Variants in SNTG2 observed in about 807,000 individuals in gnomAD.
The protein encoded by SNTG2 is gamma-2-syntrophin.
A neutral mutation model predicts 70.9 loss-of-function variants in SNTG2; 74 were observed. The observed-to-expected ratio is 1.04, with a 90% confidence interval of 0.86 to 1.27. The LOEUF is 1.27. Among genes scored for constraint, SNTG2 ranks in the 50% most tolerant of loss-of-function variants. The probability of loss-of-function intolerance (pLI) is 0.00; values close to 1 mark genes in which losing one functional copy is unlikely to be tolerated. For missense variants in SNTG2, 717 were observed against 690.7 expected, an observed-to-expected ratio of 1.04 and a Z score of -0.43; for synonymous variants, 278 against 273.8, an observed-to-expected ratio of 1.02 and a Z score of -0.15.
chr2:1,190,225 T>C (rs1376373402), intron 8 of SNTG2, among the ~76,000 whole-genome samples: 3 of 152,026 alleles, frequency 2.0e-5, no homozygotes, highest in African/African-American at 7.2e-5. Context: ...AATCCATAGA[T>C]GCTTAAGACC....
intron 1 of SNTG2, among the ~76,000 whole-genome samples, chr2:1,060,418 C>G (rs973381589): frequency 1.3e-5 from 2 of 152,072 alleles, no homozygotes; most frequent in African/African-American, 4.8e-5. Flanking sequence ...ATAGAAGTGT[C>G]CTACCGTGGA....
At chr2:1,193,441 G>T (rs1170121434) in intron 8 of SNTG2, among the ~76,000 whole-genome samples, 1 of 152,136 alleles carries the variant, frequency 6.6e-6, no homozygotes, top group African/African-American at 2.4e-5. Flanking sequence ...TTGTTTGATT[G>T]TTCCCTTGTC....
intron 11 of SNTG2, among the ~76,000 whole-genome samples, chr2:1,240,382 A>G (rs1177667023): frequency 6.6e-6 from 1 of 152,356 alleles, no homozygotes; most frequent in South Asian, 2.1e-4. Context: ...GGAAAACTCT[A>G]TGGTAATCAA....
At chr2:1,280,189 A>T (rs180970821) in intron 14 of SNTG2, among the ~76,000 whole-genome samples, 1 of 152,330 alleles carries the variant, frequency 6.6e-6, no homozygotes, top group Admixed American at 6.5e-5. Context: ...CCTGAAAAAA[A>T]TCAAGAGAAC....
At chr2:1,028,619 G>A (rs1324114722) in intron 1 of SNTG2, among the ~76,000 whole-genome samples, 1 of 152,084 alleles carries the variant, frequency 6.6e-6, no homozygotes, top group Non-Finnish European at 1.5e-5. Context: ...CCCTTCATGT[G>A]GATCTATCTT....
intron 14 of SNTG2, among the ~76,000 whole-genome samples, chr2:1,302,584 G>GA (rs1017679127): frequency 5.0e-4 from 74 of 147,536 alleles, no homozygotes; most frequent in African/African-American, 1.6e-3. Flanking sequence ...AGTTAGGCAG[G>GA]AAAAAAAAGA....
At chr2:983,956 C>T (rs1221814651) in intron 1 of SNTG2, among the ~76,000 whole-genome samples, 1 of 152,144 alleles carries the variant, frequency 6.6e-6, no homozygotes, top group Non-Finnish European at 1.5e-5. Flanking sequence ...GTCTGTGTCC[C>T]TGTGTCCCTG....
At chr2:1,143,980 A>G (rs1014653834) in intron 6 of SNTG2, among the ~76,000 whole-genome samples, 3 of 152,016 alleles carry the variant, frequency 2.0e-5, no homozygotes, top group Non-Finnish European at 4.4e-5. Context: ...AATTCTCATG[A>G]AAACTCTGGA....
chr2:959,271 G>A (rs191874185), intron 1 of SNTG2, among the ~76,000 whole-genome samples: 3 of 152,242 alleles, frequency 2.0e-5, no homozygotes, highest in African/African-American at 4.8e-5. Flanking sequence ...CTTTGTAAGC[G>A]CTGGGATGTA....
intron 8 of SNTG2, among the ~76,000 whole-genome samples, chr2:1,175,514 T>A (rs1451349593): frequency 6.6e-6 from 1 of 152,198 alleles, no homozygotes; most frequent in Non-Finnish European, 1.5e-5. Flanking sequence ...CTGGGGAGAA[T>A]CAAACCTTTC....
At chr2:1,046,929 G>A (rs1212429153) in intron 1 of SNTG2, among the ~76,000 whole-genome samples, 2 of 152,122 alleles carry the variant, frequency 1.3e-5, no homozygotes, top group African/African-American at 2.4e-5. Context: ...GGAAATTTTT[G>A]TTGTTATTTT....
chr2:1,216,972 C>CCCCTTCA (rs983881355), intron 9 of SNTG2, among the ~76,000 whole-genome samples: 2 of 152,124 alleles, frequency 1.3e-5, no homozygotes, highest in African/African-American at 4.8e-5. Flanking sequence ...AAGCTTGCTT[C>CCCCTTCA]CCCTTCACCC....
intron 2 of SNTG2, among the ~76,000 whole-genome samples, chr2:1,093,433 T>C (rs1316722206): frequency 1.3e-5 from 2 of 152,216 alleles, no homozygotes; most frequent in Non-Finnish European, 2.9e-5. Flanking sequence ...CAGGCTGCTG[T>C]GTGAAAAGTT....
At chr2:1,215,559 CT>C (rs201938266) in intron 9 of SNTG2, among the ~76,000 whole-genome samples, 1 of 132,568 alleles carries the variant, frequency 7.5e-6, no homozygotes, top group East Asian at 2.4e-4. Flanking sequence ...TCTTTTTTTT[CT>C]TTTTTTTATT....
chr2:1,140,464 A>G (rs920192845), intron 6 of SNTG2, among the ~76,000 whole-genome samples: 1 of 151,956 alleles, frequency 6.6e-6, no homozygotes, highest in Non-Finnish European at 1.5e-5. Flanking sequence ...CTGCGCAGAC[A>G]CAGATTGGGA....
intron 9 of SNTG2, among the ~76,000 whole-genome samples, chr2:1,217,730 T>C (rs1674493397): frequency 1.3e-5 from 2 of 152,202 alleles, no homozygotes; most frequent in African/African-American, 4.8e-5. Context: ...ATGTCTGTTA[T>C]GCAGACATTT....
chr2:1,151,830 T>C (rs1162114348), intron 6 of SNTG2, among the ~76,000 whole-genome samples: 1 of 152,154 alleles, frequency 6.6e-6, no homozygotes, highest in Non-Finnish European at 1.5e-5. Context: ...TCATAGCGAC[T>C]GGAGAAAATG....
rs537642481 is a variant in SNTG2 at position 1,230,845 on chromosome 2, G to T, written c.720-7043G>T. On this transcript the variant is annotated intron_variant, in intron 9 of 16. Coordinates refer to ENST00000308624, the MANE Select transcript of SNTG2 (RefSeq NM_018968.4). ...ACAGTGCCTCTTCCATAGGGTCACTGCAGGGGTGAAATAGATCTGAAACAT... is the reference window on the plus strand; with the variant it reads ...ACAGTGCCTCTTCCATAGGGTCACTTCAGGGGTGAAATAGATCTGAAACAT... Among the ~76,000 whole-genome samples, 21 of 152,216 alleles carry T rather than the reference G, an allele frequency of 1.4e-4. 1 individual carries two copies. The highest frequency in any genetic ancestry group is 2.8e-4 in the Non-Finnish European group (19 of 68,038).
At chr2:1,283,040 G>A (rs2148210197) in intron 14 of SNTG2, among the ~76,000 whole-genome samples, 1 of 152,270 alleles carries the variant, frequency 6.6e-6, no homozygotes, top group South Asian at 2.1e-4. Flanking sequence ...CCAGCCTCTG[G>A]ATTTTCAGTC....
Sources: gnomAD v4.1 joint callset for allele counts (sites outside exome capture counted in the v4.1 genomes callset) on GRCh38, gnomAD v4.1.1 for gene constraint, MANE v1.5 for transcripts, NCBI Gene and HGNC (gene_info 2026-07-23, HGNC 2026-07-21) for gene names.